The following CDH18 variants were observed in gnomAD, a reference collection of about 807,000 sequenced individuals.
CDH18 encodes the protein cadherin-18.
A neutral mutation model predicts 67.9 loss-of-function variants in CDH18; 31 were observed. The ratio of observed to expected loss-of-function variants is 0.46; its 90% CI spans 0.34 to 0.62. CDH18 has a LOEUF of 0.62. CDH18 is among the 20% of genes least tolerant of loss of function. CDH18 has a pLI of 0.01. For missense variants in CDH18, 890 were observed against 975.5 expected, an observed-to-expected ratio of 0.91 and a Z score of 1.17; for synonymous variants, 362 against 347.2, an observed-to-expected ratio of 1.04 and a Z score of -0.48.
At chr5:19,957,299 T>C (rs1244059154) in intron 2 of CDH18, among the ~76,000 whole-genome samples, 1 of 151,366 alleles carries the variant, frequency 6.6e-6, no homozygotes, top group Non-Finnish European at 1.5e-5. Context: ...AACATGCATA[T>C]ATGTATGTGT....
rs540210713 is a variant in CDH18 at position 19,616,415 on chromosome 5, C to T, written c.644-3814G>A. ...AAAATTGGTTAAATGTGAAGCTATA[C>T]AGGCAAAATGATCATATGCAATGAT... On this transcript the variant is annotated intron_variant, in intron 5 of 12. Coordinates refer to ENST00000382275, the MANE Select transcript of CDH18 (RefSeq NM_004934.5). Among the ~76,000 whole-genome samples, 5 of 152,120 alleles carry T rather than the reference C, an allele frequency of 3.3e-5. No individual in the cohort carries two copies. In the East Asian group the frequency reaches 9.7e-4, roughly 29 times the overall value.
At chr5:20,060,758 T>C (rs1742399415) in intron 2 of CDH18, among the ~76,000 whole-genome samples, 1 of 152,096 alleles carries the variant, frequency 6.6e-6, no homozygotes, top group Non-Finnish European at 1.5e-5. Context: ...AAACAGAGAA[T>C]TACATTCAAC....
intron 1 of CDH18, among the ~76,000 whole-genome samples, chr5:20,422,759 A>G (rs1747962842): frequency 6.6e-6 from 1 of 151,254 alleles, no homozygotes; most frequent in African/African-American, 2.5e-5. Flanking sequence ...GCAACTTCCC[A>G]GAATGGACAA....
intron 2 of CDH18, among the ~76,000 whole-genome samples, chr5:20,239,438 A>G (rs1441451690): frequency 6.6e-6 from 1 of 152,216 alleles, no homozygotes; most frequent in African/African-American, 2.4e-5. Flanking sequence ...CCTGGGTGAC[A>G]GAGCAAGACT....
intron 2 of CDH18, among the ~76,000 whole-genome samples, chr5:20,055,482 T>C (rs1441802290): frequency 1.3e-4 from 20 of 152,234 alleles, no homozygotes; most frequent in Admixed American, 1.3e-3. Flanking sequence ...AGATGAGTTC[T>C]GCAAAGATGC....
At chr5:19,747,974 G>T (rs1429298954) in intron 3 of CDH18, among the ~76,000 whole-genome samples, 1 of 150,476 alleles carries the variant, frequency 6.6e-6, no homozygotes, top group Non-Finnish European at 1.5e-5. Flanking sequence ...CTAGCCGGGC[G>T]TGGTGGCGGG....
intron 1 of CDH18, among the ~76,000 whole-genome samples, chr5:20,366,854 C>T (rs76362216): frequency 0.023 from 3,385 of 150,112 alleles, 92 homozygotes; most frequent in East Asian, 0.061. Context: ...AGGATGGCTC[C>T]TCCTTCCCCC....
At chr5:20,106,333 A>C (rs1580256293) in intron 2 of CDH18, among the ~76,000 whole-genome samples, 1 of 152,132 alleles carries the variant, frequency 6.6e-6, no homozygotes, top group Non-Finnish European at 1.5e-5. Flanking sequence ...TCACATTCCT[A>C]CTTGTTTTCT....
At chr5:19,753,182 C>A (rs1771090660) in intron 3 of CDH18, among the ~76,000 whole-genome samples, 2 of 152,048 alleles carry the variant, frequency 1.3e-5, no homozygotes, top group African/African-American at 4.8e-5. Context: ...AAGAAGAAAT[C>A]CCTGATTTGC....
intron 9 of CDH18, among the ~76,000 whole-genome samples, chr5:19,539,531 T>C (rs1361267817): frequency 6.6e-6 from 1 of 152,168 alleles, no homozygotes; most frequent in Non-Finnish European, 1.5e-5. Context: ...TGGCTTCTGA[T>C]TGAAATGCTT....
intron 6 of CDH18, among the ~76,000 whole-genome samples, chr5:19,596,375 T>A (rs904346941): frequency 2.6e-5 from 4 of 152,142 alleles, no homozygotes; most frequent in African/African-American, 9.7e-5. Context: ...CAAAATAAAT[T>A]GGTACAAATT....
At chr5:20,259,349 G>A (rs1287106900) in intron 1 of CDH18, among the ~76,000 whole-genome samples, 1 of 152,040 alleles carries the variant, frequency 6.6e-6, no homozygotes, top group Admixed American at 6.6e-5. Flanking sequence ...TGATGAAATT[G>A]GATATATAGC....
At chr5:19,848,327 A>C (rs1005129430) in intron 2 of CDH18, 3 of 152,166 alleles carry the variant, frequency 2.0e-5, no homozygotes, top group African/African-American at 7.2e-5. Flanking sequence ...AGGAGGTTAC[A>C]GTTTCCTACA....
chr5:19,762,847 C>A (rs1303099141), intron 3 of CDH18, among the ~76,000 whole-genome samples: 1 of 152,062 alleles, frequency 6.6e-6, no homozygotes, highest in Admixed American at 6.5e-5. Flanking sequence ...TGGAACCAAC[C>A]CAAATGTCCA....
chr5:19,604,746 T>A lies in CDH18; in HGVS notation c.811+7688A>T, dbSNP rs187155124. ...AAAGGGCAATTTTCCTCTATCAGAA[T>A]CTTTACTGTTCTAAGAAATATCTTT... is the stretch of plus-strand genomic sequence containing the variant. On this transcript the variant is annotated intron_variant, in intron 6 of 12. Coordinates refer to ENST00000382275, the MANE Select transcript of CDH18 (RefSeq NM_004934.5). Among the ~76,000 whole-genome samples the A allele has an allele frequency of 1.4e-3, 218 of 152,230 alleles. 2 individuals carry two copies. The highest frequency in any genetic ancestry group is 2.2e-3 in the Non-Finnish European group (152 of 67,964).
chr5:20,198,543 C>G (rs1242304665), intron 2 of CDH18, among the ~76,000 whole-genome samples: 1 of 152,076 alleles, frequency 6.6e-6, no homozygotes, highest in Non-Finnish European at 1.5e-5. Context: ...CAAGAGGTGA[C>G]AGAGAATAAA....
chr5:20,431,874 G>A (rs1748774784), intron 1 of CDH18, among the ~76,000 whole-genome samples: 1 of 152,118 alleles, frequency 6.6e-6, no homozygotes, highest in South Asian at 2.1e-4. Flanking sequence ...TACATAAAGC[G>A]ATGTGTAGTG....
intron 2 of CDH18, among the ~76,000 whole-genome samples, chr5:20,143,694 T>C (rs1750422275): frequency 6.6e-6 from 1 of 152,152 alleles, no homozygotes; most frequent in African/African-American, 2.4e-5. Flanking sequence ...AGCAAAGTGT[T>C]GAAGGCATGG....
chr5:19,518,138 T>C (rs891546685), intron 10 of CDH18, among the ~76,000 whole-genome samples: 171 of 152,132 alleles, frequency 1.1e-3, no homozygotes, highest in African/African-American at 4.0e-3. Flanking sequence ...GGTTTTGAAA[T>C]CAGTGCATAG....
Sources: allele counts gnomAD v4.1 joint callset (sites outside exome capture counted in the v4.1 genomes callset), GRCh38; gene constraint gnomAD v4.1.1; transcripts MANE v1.5; gene names NCBI Gene and HGNC (gene_info 2026-07-23, HGNC 2026-07-21).